The following TMEM131L variants were observed in gnomAD, a reference collection of about 807,000 sequenced individuals.
The protein encoded by TMEM131L is transmembrane 131 like, also known as transmembrane protein 131-like.
In TMEM131L, 54 loss-of-function variants were observed where a neutral mutation model predicts 192.2. That is an observed-to-expected ratio of 0.28 (90% CI 0.23 to 0.35). TMEM131L has a LOEUF of 0.35. TMEM131L is among the 10% of genes least tolerant of loss of function. The pLI, the probability that TMEM131L is intolerant of heterozygous loss-of-function variation, is 1.00. For missense variants in TMEM131L, 1,888 were observed against 1,972.9 expected, an observed-to-expected ratio of 0.96 and a Z score of 0.82; for synonymous variants, 701 against 704.9, an observed-to-expected ratio of 0.99 and a Z score of 0.09.
chr4:153,604,147 G>A lies in TMEM131L; in HGVS notation c.3135G>A (p.Lys1045=), dbSNP rs766959388. Residue 1045 remains lysine (K), a synonymous_variant, in exon 25 of 35, where the codon AAG becomes AAA. Coordinates refer to ENST00000409959, the MANE Select transcript of TMEM131L (RefSeq NM_001131007.2). ...YASGINVNLQ[K]NLTLPKNLLN... ...GTGGCATAAATGTCAACCTGCAGAAGAATTTAACCCTTCCCAAAAACTTAC... is the reference window on the plus strand; with the variant it reads ...GTGGCATAAATGTCAACCTGCAGAAAAATTTAACCCTTCCCAAAAACTTAC... 3.1e-6 allele frequency: 5 copies of A among 1,614,150 alleles called. No individual in the cohort carries two copies. In the East Asian group the frequency reaches 8.9e-5, roughly 29 times the overall value.
intron 3 of TMEM131L, among the ~76,000 whole-genome samples, chr4:153,544,562 C>T (rs896150143): frequency 2.0e-5 from 3 of 152,216 alleles, no homozygotes; most frequent in Non-Finnish European, 2.9e-5. Flanking sequence ...CCCCTGGAGC[C>T]AGCAGGCCAG....
Position 153,598,611 on chromosome 4 carries a change from C to T in TMEM131L, c.2145C>T (p.Asp715=), listed in dbSNP as rs1731614950. ...ACAGGAATAACTTGACTGTTATTGA[C>T]ATGATTGGCGTGGAAGGATTTGGAG... The part of the protein sequence containing the change: ...ILIRNNLTVI[D]MIGVEGFGAR... The change falls in exon 21 of 35, where the codon GAC becomes GAT. Residue 715 remains aspartate (D), a synonymous_variant. Transcript: ENST00000409959. 6.2e-7 allele frequency: 1 copy of T among 1,613,678 alleles called. No individual in the cohort carries two copies. Among genetic ancestry groups the T allele is most frequent in the Non-Finnish European group, 8.5e-7 (1 of 1,179,694 alleles).
intron 3 of TMEM131L, among the ~76,000 whole-genome samples, chr4:153,493,258 A>T (rs933670785): frequency 3.3e-5 from 5 of 149,994 alleles, no homozygotes; most frequent in Non-Finnish European, 7.4e-5. Context: ...AGGGAGGAGA[A>T]TGGAATGAAC....
chr4:153,562,121 T>G (rs932503861), intron 7 of TMEM131L, among the ~76,000 whole-genome samples: 2 of 151,838 alleles, frequency 1.3e-5, no homozygotes, highest in African/African-American at 4.8e-5. Context: ...CACTGCAACC[T>G]CCGCCTCCTG....
chr4:153,616,742 A>C (rs1733003092), intron 26 of TMEM131L, among the ~76,000 whole-genome samples: 1 of 152,246 alleles, frequency 6.6e-6, no homozygotes, highest in Admixed American at 6.5e-5. Context: ...AAAATAGTTA[A>C]GATAATTATT....
intron 3 of TMEM131L, among the ~76,000 whole-genome samples, chr4:153,542,686 G>C (rs1736881220): frequency 6.6e-6 from 1 of 152,282 alleles, no homozygotes; most frequent in South Asian, 2.1e-4. Flanking sequence ...CTATGGTTTG[G>C]CTTCAAAGGG....
At chr4:153,477,781 C>G (rs35512278) in intron 3 of TMEM131L, among the ~76,000 whole-genome samples, 6,004 of 152,192 alleles carry the variant, frequency 0.039, 188 homozygotes, top group Non-Finnish European at 0.055. Context: ...CTTTTATCAC[C>G]TACTGGCTTT....
chr4:153,615,719 C>G (rs1388786110), intron 26 of TMEM131L, among the ~76,000 whole-genome samples: 1 of 152,190 alleles, frequency 6.6e-6, no homozygotes, highest in Non-Finnish European at 1.5e-5. Flanking sequence ...CTGCCATGCA[C>G]TGACTCCAGC....
chr4:153,475,599 G>A (rs1166839045), intron 3 of TMEM131L, among the ~76,000 whole-genome samples: 1 of 152,042 alleles, frequency 6.6e-6, no homozygotes, highest in East Asian at 1.9e-4. Context: ...AAACTTGTTG[G>A]TTTGATCAAT....
intron 3 of TMEM131L, among the ~76,000 whole-genome samples, chr4:153,517,793 A>T (rs1734837964): frequency 6.6e-6 from 1 of 152,202 alleles, no homozygotes; most frequent in Non-Finnish European, 1.5e-5. Context: ...TAACAAGATG[A>T]AATACCTATT....
At chr4:153,581,126 T>C (rs968530518) in intron 8 of TMEM131L, among the ~76,000 whole-genome samples, 5 of 152,040 alleles carry the variant, frequency 3.3e-5, no homozygotes, top group African/African-American at 1.2e-4. Context: ...TGCTGGCGGG[T>C]GCCCGTAGTC....
At chr4:153,506,385 G>A (rs951554032) in intron 3 of TMEM131L, among the ~76,000 whole-genome samples, 2 of 152,162 alleles carry the variant, frequency 1.3e-5, no homozygotes, top group African/African-American at 2.4e-5. Context: ...TTTAGGGAGT[G>A]ACAGCCAAGG....
intron 3 of TMEM131L, among the ~76,000 whole-genome samples, chr4:153,494,120 A>T (rs59045097): frequency 1.3e-5 from 2 of 151,928 alleles, no homozygotes; most frequent in South Asian, 4.2e-4. Context: ...CATCTGTAAA[A>T]GTGGGCCAGT....
Position 153,466,518 on chromosome 4 carries a change from C to A in TMEM131L, c.121C>A (p.Gln41Lys). The A allele has an allele frequency of 1.4e-6, 2 of 1,383,006 alleles. No individual in the cohort carries two copies. The highest frequency in any genetic ancestry group is 1.6e-5 in the South Asian group (1 of 61,416). The allele number at this position is 1,383,006 out of a possible 1,614,324, so 85.7% of individuals were successfully genotyped here. A position where few individuals can be genotyped will look rare whatever the true frequency, so the allele number is the denominator to read the frequency against. The change falls in exon 1 of 35, where the codon CAA (glutamine) becomes AAA (lysine). Residue 41 changes from glutamine (Q) to lysine (K), a missense_variant. Physicochemically the swap from Gln to Lys is moderately conservative, Grantham distance 53. Coordinates refer to ENST00000409959, the MANE Select transcript of TMEM131L (RefSeq NM_001131007.2). ...PCCRPGGAQG[Q>K]AIEPLPNVVE... is the part of the protein sequence containing the mutation. ...CTGTCGCCCGGGAGGGGCTCAGGGA[C>A]AAGGTCAGCCTTGCGCCGCTGGGCT...
At chr4:153,469,580 A>T (rs1731008033) in intron 2 of TMEM131L, among the ~76,000 whole-genome samples, 1 of 152,138 alleles carries the variant, frequency 6.6e-6, no homozygotes, top group Admixed American at 6.5e-5. Flanking sequence ...ATGGCTTCAG[A>T]GGCTAAGATT....
At chr4:153,484,106 G>A (rs373795907) in intron 3 of TMEM131L, among the ~76,000 whole-genome samples, 1 of 152,006 alleles carries the variant, frequency 6.6e-6, no homozygotes, top group East Asian at 1.9e-4. Context: ...AAGATAATGG[G>A]GTCTCCTGGG....
Position 153,636,656 on chromosome 4 carries a change from T to G in TMEM131L, c.*80T>G. On this transcript the variant is annotated 3_prime_UTR_variant, in exon 35 of 35. Coordinates refer to ENST00000409959, the MANE Select transcript of TMEM131L (RefSeq NM_001131007.2). ...GTGTAAACTGGTTATTGAGATAGAT[T>G]ATGACATTGGTGGATATTTTGGCAC... The G allele has an allele frequency of 2.9e-6, 4 of 1,386,280 alleles. No homozygotes were observed. The highest frequency in any genetic ancestry group is 3.9e-6 in the Non-Finnish European group (4 of 1,013,048). 85.9% of individuals were successfully genotyped at this position (1,386,280 alleles called of 1,614,324 possible).
chr4:153,494,903 G>T (rs1406220347), intron 3 of TMEM131L, among the ~76,000 whole-genome samples: 3 of 152,212 alleles, frequency 2.0e-5, no homozygotes, highest in African/African-American at 7.2e-5. Context: ...TGCTCTGCCG[G>T]GTGTTCACCC....
chr4:153,612,137 G>T, intron 25 of TMEM131L, 115 bp from the exon 26 acceptor site: 3 of 675,918 alleles, frequency 4.4e-6, no homozygotes, highest in Non-Finnish European at 7.0e-6. Flanking sequence ...TAAAAACAAT[G>T]CTAAATTTAA....
Sources: gnomAD v4.1 joint callset for allele counts (sites outside exome capture counted in the v4.1 genomes callset) on GRCh38, gnomAD v4.1.1 for gene constraint, MANE v1.5 for transcripts, NCBI Gene and HGNC (gene_info 2026-07-23, HGNC 2026-07-21) for gene names.